The following AATK variants were observed in gnomAD, a reference collection of about 807,000 sequenced individuals.
AATK encodes the protein lemur tail kinase 1.
Under a neutral mutation model 114.3 loss-of-function variants are expected in AATK, and 91 were observed. The observed-to-expected ratio is 0.80, with a 90% CI of 0.67 to 0.95. The LOEUF is 0.95. Ranked by LOEUF, AATK falls within the 40% of genes least tolerant of loss-of-function variation. AATK has a pLI of 0.00. For synonymous variants in AATK, 1,075 were observed against 916.5 expected (o/e 1.17, Z -3.12); for missense variants, 2,176 against 1,965.2 (o/e 1.11, Z -2.03).
chr17:81,125,352 TCTC>T (rs1157822970), intron 7 of AATK: 1 of 662,532 alleles, frequency 1.5e-6, no homozygotes. Context: ...TCCAGGACCC[TCTC>T]CTCCTAGCTC....
At chr17:81,149,547 C>T (rs1320167637) in intron 1 of AATK, among the ~76,000 whole-genome samples, 1 of 152,132 alleles carries the variant, frequency 6.6e-6, no homozygotes, top group Non-Finnish European at 1.5e-5. Context: ...CCTGCTCACG[C>T]CTCCCCGGGG....
At chr17:81,140,725 G>GT in intron 1 of AATK, among the ~76,000 whole-genome samples, 2 of 102,576 alleles carry the variant, frequency 1.9e-5, no homozygotes, top group African/African-American at 4.0e-5. Context: ...CCGTGGGGCT[G>GT]TGAGCCGTGG....
chr17:81,143,404 T>C (rs1197934185), intron 1 of AATK, among the ~76,000 whole-genome samples: 1 of 152,094 alleles, frequency 6.6e-6, no homozygotes, highest in Non-Finnish European at 1.5e-5. Flanking sequence ...TTTTCTGTGT[T>C]GGGTCCAAAT....
At chr17:81,130,431 C>T (rs2060911933) in intron 3 of AATK, among the ~76,000 whole-genome samples, 1 of 152,190 alleles carries the variant, frequency 6.6e-6, no homozygotes, top group Non-Finnish European at 1.5e-5. Flanking sequence ...GGCCTAGGAC[C>T]CTAGGATGGG....
intron 1 of AATK, among the ~76,000 whole-genome samples, chr17:81,138,258 G>A (rs1285690746): frequency 8.4e-6 from 1 of 119,144 alleles, no homozygotes; most frequent in Admixed American, 8.5e-5. Context: ...CATGCACAGA[G>A]ACATACCCAC....
At chr17:81,157,858 G>A (rs1055903641) in intron 1 of AATK, among the ~76,000 whole-genome samples, 11 of 152,198 alleles carry the variant, frequency 7.2e-5, no homozygotes, top group South Asian at 4.1e-4. Flanking sequence ...GTCTCTGCTC[G>A]ACGCACACTG....
rs2060725006 is a variant in AATK at position 81,123,219 on chromosome 17, G to T, written c.1087C>A (p.Leu363Met). 7.0e-7 allele frequency: 1 copy of T among 1,426,166 alleles called. No individual in the cohort carries two copies. Among genetic ancestry groups the T allele is most frequent in the Non-Finnish European group, 9.2e-7 (1 of 1,091,614 alleles). 88.3% of individuals were successfully genotyped at this position (1,426,166 alleles called of 1,614,324 possible). Residue 363 changes from leucine (L) to methionine (M), a missense_variant, in exon 10 of 14, where the codon CTG becomes ATG. Around this residue, in one of 4 missense-constraint regions of AATK, gnomAD observed 273 missense variants for 344.1 expected, o/e 0.79. Coordinates refer to ENST00000326724, the MANE Select transcript of AATK (RefSeq NM_001080395.3). The stretch of plus-strand genomic sequence containing the variant: ...CAGCGGTCCGACAGGGTCAGCTGCA[G>T]CTGGGGCTTGGGCAGCTTGAGCTGC... ...EQQLKLPKPQ[L>M]QLTLSDRWYE...
chr17:81,165,797 G>A lies in AATK; in HGVS notation c.55+141C>T, dbSNP rs767225049. The A allele has an allele frequency of 4.7e-6, 7 of 1,503,634 alleles. No individual in the cohort carries two copies. In the Middle Eastern group the frequency reaches 7.6e-4, roughly 162 times the overall value. 93.1% of individuals were successfully genotyped at this position (1,503,634 alleles called of 1,614,324 possible). On this transcript the variant is annotated intron_variant, in intron 1 of 13. Transcript: ENST00000326724. ...CCCCTCCGAGATCTGGGGCCGCCAG[G>A]GGGTCCGGCTGCTTCTGCTGCTGGG... is the stretch of plus-strand genomic sequence containing the variant.
rs557756340 is a variant in AATK at position 81,119,419 on chromosome 17, T to C, written c.4045A>G (p.Ile1349Val). ...GCGTCCGAGTCAGACACGTGCGTGA[T>C]GGAGAAGCGGGACGTGGGCGCGGGC... ...VSPAPTSRFS[I>V]THVSDSDAES... The change falls in exon 13 of 14, where the codon ATC becomes GTC. Residue 1349 changes from isoleucine to valine, a missense_variant. Ile to Val is a conservative substitution (Grantham distance 29). This residue lies in a region of AATK where 1,701 missense variants were observed against 1,394.7 expected (regional missense o/e 1.22). Coordinates refer to ENST00000326724, the MANE Select transcript of AATK (RefSeq NM_001080395.3). 1 of 1,540,860 alleles carries C rather than the reference T, an allele frequency of 6.5e-7. No individual in the cohort carries two copies. The highest frequency in any genetic ancestry group is 2.1e-5 in the Admixed American group (1 of 48,286).
intron 1 of AATK, among the ~76,000 whole-genome samples, chr17:81,156,563 A>T (rs2061369992): frequency 6.6e-6 from 1 of 151,884 alleles, no homozygotes; most frequent in Non-Finnish European, 1.5e-5. Context: ...ACACCCGCCT[A>T]ATTTTTTGTA....
chr17:81,156,217 C>A (rs138198097), intron 1 of AATK, among the ~76,000 whole-genome samples: 2 of 139,560 alleles, frequency 1.4e-5, no homozygotes, highest in Non-Finnish European at 3.2e-5. Flanking sequence ...TGTATGTTAC[C>A]ATGTTACAAT....
Position 81,131,144 on chromosome 17 carries a change from G to T in AATK, c.251C>A (p.Thr84Lys), listed in dbSNP as rs377175152. The T allele has an allele frequency of 6.9e-5, 108 of 1,575,144 alleles. 1 individual carries two copies. In the South Asian group the frequency reaches 1.2e-3, roughly 17 times the overall value. Residue 84 changes from threonine to lysine, a missense_variant, in exon 3 of 14, where the codon ACG (threonine) becomes AAG (lysine). Thr to Lys is a moderately conservative substitution (Grantham distance 78). Around this residue, in one of 4 missense-constraint regions of AATK, gnomAD observed 178 missense variants for 175.4 expected, o/e 1.01. Coordinates refer to ENST00000326724, the MANE Select transcript of AATK (RefSeq NM_001080395.3). Reference protein sequence around the residue: ...AADLAQGSPATAAQNGPDVYV... With the variant: ...AADLAQGSPAKAAQNGPDVYV... ...CACGTCGGGCCCGTTCTGTGCTGCCGTGGCCGGGGAGCCCTGCGCCAGGTC... is the reference window on the plus strand; with the variant it reads ...CACGTCGGGCCCGTTCTGTGCTGCCTTGGCCGGGGAGCCCTGCGCCAGGTC...
Position 81,121,702 on chromosome 17 carries a change from A to G in AATK, c.2234T>C (p.Leu745Pro), listed in dbSNP as rs1875356622. The change falls in exon 11 of 14, where the codon CTC becomes CCC. Residue 745 changes from leucine to proline, a missense_variant. Leu to Pro is a moderately conservative substitution (Grantham distance 98). This residue lies in a region of AATK where 1,701 missense variants were observed against 1,394.7 expected (regional missense o/e 1.22). Transcript: ENST00000326724. ...SAQEPGCCPGLPHLCSAQGLA... is the reference protein window; with the variant it reads ...SAQEPGCCPGPPHLCSAQGLA... ...GCCCTGGGCAGAGCATAGATGAGGG[A>G]GGCCGGGGCAGCAGCCTGGCTCCTG... The G allele has an allele frequency of 1.3e-6, 2 of 1,494,632 alleles. No homozygotes were observed. The highest frequency in any genetic ancestry group is 2.2e-5 in the Admixed American group (1 of 44,732). The allele number at this position is 1,494,632 out of a possible 1,614,324, so 92.6% of individuals were successfully genotyped here.
intron 1 of AATK, among the ~76,000 whole-genome samples, chr17:81,147,563 T>C (rs962839442): frequency 6.6e-6 from 1 of 152,056 alleles, no homozygotes; most frequent in African/African-American, 2.4e-5. Flanking sequence ...GAGACTAGCC[T>C]GGCCAGCATG....
chr17:81,131,830 C>A, intron 2 of AATK: 1 of 1,294,214 alleles, frequency 7.7e-7, no homozygotes, highest in Non-Finnish European at 1.0e-6. Context: ...CCCACCCCTG[C>A]CGGGACAAGG....
At chr17:81,147,546 A>G (rs955060936) in intron 1 of AATK, among the ~76,000 whole-genome samples, 3 of 152,162 alleles carry the variant, frequency 2.0e-5, no homozygotes, top group Non-Finnish European at 1.5e-5. Flanking sequence ...CTTGAACTTA[A>G]GAGTTTGAGA....
intron 6 of AATK, among the ~76,000 whole-genome samples, chr17:81,127,082 G>C (rs547695632): frequency 7.6e-6 from 1 of 130,904 alleles, no homozygotes; most frequent in South Asian, 3.0e-4. Flanking sequence ...GGGAGGGGGA[G>C]ACGGGTCCCC....
Position 81,155,399 on chromosome 17 carries a change from A to C in AATK, c.55+10539T>G, listed in dbSNP as rs12601243. 1.1e-4 allele frequency among the ~76,000 whole-genome samples: 16 copies of C among 146,630 alleles called. No individual in the cohort carries two copies. In the South Asian group the frequency reaches 1.7e-3, roughly 16 times the overall value. On this transcript the variant is annotated intron_variant, in intron 1 of 13. Coordinates refer to ENST00000326724, the MANE Select transcript of AATK (RefSeq NM_001080395.3). ...TTTACCTATTATTATTATTATTATTATTTTTTGAGACGCAGTCTCACTCTG... is the reference window on the plus strand; with the variant it reads ...TTTACCTATTATTATTATTATTATTCTTTTTTGAGACGCAGTCTCACTCTG...
chr17:81,145,447 T>C (rs1322364088), intron 1 of AATK, among the ~76,000 whole-genome samples: 1 of 151,924 alleles, frequency 6.6e-6, no homozygotes, highest in Non-Finnish European at 1.5e-5. Context: ...AAAATGTCTG[T>C]TCCGGCTGGG....
Sources: gnomAD v4.1 joint callset for allele counts (sites outside exome capture counted in the v4.1 genomes callset) on GRCh38, gnomAD v4.1.1 for gene constraint, gnomAD v4.1.1 regional missense constraint, MANE v1.5 for transcripts, NCBI Gene and HGNC (gene_info 2026-07-23, HGNC 2026-07-21) for gene names.